Variants in KDM1A observed in about 807,000 individuals in gnomAD.
The protein encoded by KDM1A is lysine demethylase 1A.
KDM1A carries 49 observed loss-of-function variants against 109.4 expected under a neutral mutation model. The observed-to-expected ratio is 0.45, with a 90% confidence interval of 0.36 to 0.57. The LOEUF is 0.57. KDM1A is among the 20% of genes least tolerant of loss of function. The pLI is 0.00. For missense variants in KDM1A, 668 were observed against 1,116.6 expected (o/e 0.60, Z 5.73); for synonymous variants, 380 against 415.4 (o/e 0.91, Z 1.04).
chr1:23,082,891 T>A, intron 20 of KDM1A: 1 of 267,486 alleles, frequency 3.7e-6, no homozygotes, highest in Admixed American at 4.6e-5. Flanking sequence ...CAGAAGGTAG[T>A]TATACATGAG....
intron 2 of KDM1A, among the ~76,000 whole-genome samples, chr1:23,032,972 T>A (rs1015819791): frequency 6.6e-6 from 1 of 152,200 alleles, no homozygotes; most frequent in African/African-American, 2.4e-5. Context: ...TGATCTCGGC[T>A]CACTGCAACC....
intron 9 of KDM1A, among the ~76,000 whole-genome samples, chr1:23,062,682 A>G (rs1209593506): frequency 4.6e-5 from 7 of 152,152 alleles, no homozygotes; most frequent in African/African-American, 1.4e-4. Flanking sequence ...TCTCTCTCCT[A>G]CATTTGTAGC....
At position 23,038,420 on chromosome 1, in the gene KDM1A, G is replaced by A. The variant is rs554571297; in HGVS notation, c.518-6007G>A. Among the ~76,000 whole-genome samples, 408 of 152,034 alleles carry A rather than the reference G, an allele frequency of 2.7e-3. 4 individuals are homozygous for A. The highest frequency in any genetic ancestry group is 9.1e-3 in the African/African-American group (378 of 41,472). On this transcript the variant is annotated intron_variant, in intron 2 of 20. Transcript: ENST00000400181. ...AATTGAAATTCTTGCATCGGCTGTT[G>A]AGTTATAAGAAATGTTTTGTAAGCT...
At chr1:23,077,394 C>G in intron 16 of KDM1A, 34 bp downstream of exon 16, 2 of 1,596,074 alleles carry the variant, frequency 1.3e-6, no homozygotes, top group Non-Finnish European at 1.7e-6. Flanking sequence ...TAAGAGAGAA[C>G]TCTCCTGAAA....
rs774550728 is a variant in KDM1A, at chr1:23,055,076, T to G, written c.798T>G (p.Thr266=). The G allele has an allele frequency of 5.0e-6, 8 of 1,604,498 alleles. No homozygotes were observed. In the East Asian group the frequency reaches 1.8e-4, roughly 36 times the overall value. The change falls in exon 6 of 21, where the codon ACT becomes ACG. Residue 266 remains threonine (T), a synonymous_variant. Transcript: ENST00000400181. ...QQLEAPYNSD[T]VLVHRVHSYL... The stretch of plus-strand genomic sequence containing the variant: ...AATCCACTTATTCTGTAGGTGATAC[T>G]GTGCTTGTCCACCGAGTTCACAGTT...
chr1:23,051,670 G>A (rs906257358), intron 4 of KDM1A, among the ~76,000 whole-genome samples: 1 of 152,158 alleles, frequency 6.6e-6, no homozygotes, highest in South Asian at 2.1e-4. Context: ...ATGAGGGAAA[G>A]GTGCTATTCA....
chr1:23,043,464 T>C (rs1049800286), intron 2 of KDM1A, among the ~76,000 whole-genome samples: 2 of 152,234 alleles, frequency 1.3e-5, no homozygotes, highest in Non-Finnish European at 2.9e-5. Context: ...CAATCTGCTT[T>C]CTTATTGGGG....
At chr1:23,056,180 T>C (rs1569745445) in intron 7 of KDM1A, 142 bp downstream of exon 7, 3 of 523,266 alleles carry the variant, frequency 5.7e-6, no homozygotes, top group Non-Finnish European at 6.6e-6. Flanking sequence ...GATAGTGTTA[T>C]TTATATTTTT....
intron 6 of KDM1A, 73 bp downstream of exon 6, chr1:23,055,234 T>A (rs1439530659): frequency 1.3e-6 from 1 of 766,568 alleles, no homozygotes; most frequent in African/African-American, 1.8e-5. Context: ...TTTATATCTA[T>A]GATGACGTTA....
intron 12 of KDM1A, 111 bp downstream of exon 12, chr1:23,069,262 C>G: frequency 1.6e-6 from 1 of 629,256 alleles, no homozygotes; most frequent in Non-Finnish European, 2.8e-6. Context: ...AGAAAGTCTG[C>G]ACAGCTGGGA....
intron 16 of KDM1A, 96 bp from the exon 17 acceptor site, chr1:23,078,894 G>A: frequency 9.2e-7 from 1 of 1,083,074 alleles, no homozygotes; most frequent in Non-Finnish European, 1.3e-6. Context: ...AATGAGAATT[G>A]AGAAATGGAT....
intron 1 of KDM1A, among the ~76,000 whole-genome samples, chr1:23,027,392 G>A (rs1641837283): frequency 6.8e-6 from 1 of 148,080 alleles, no homozygotes; most frequent in South Asian, 2.1e-4. Flanking sequence ...TGTGCAAAAG[G>A]TAGAAGGTTG....
rs1264918969 is a variant in KDM1A, at chr1:23,069,299, C to G, written c.1413+148C>G. ...TCATTCTTAAGAAAATAATGACTAA[C>G]GAAAGAGACTGTTTTATCTGTCAGT... On this transcript the variant is annotated intron_variant, in intron 12 of 20. Transcript: ENST00000400181. 3 of 546,518 alleles carry G rather than the reference C, an allele frequency of 5.5e-6. No homozygotes were observed. In the African/African-American group the frequency reaches 5.8e-5, roughly 11 times the overall value. 33.9% of individuals were successfully genotyped at this position (546,518 alleles called of 1,614,324 possible). A position where few individuals can be genotyped will look rare whatever the true frequency, so the allele number is the denominator to read the frequency against.
intron 9 of KDM1A, among the ~76,000 whole-genome samples, chr1:23,064,361 A>G (rs1163875981): frequency 6.6e-6 from 1 of 152,198 alleles, no homozygotes; most frequent in African/African-American, 2.4e-5. Flanking sequence ...CTGCTTTACC[A>G]TAATTCTAGA....
At chr1:23,023,051 G>T (rs1348263808) in intron 1 of KDM1A, among the ~76,000 whole-genome samples, 4 of 152,140 alleles carry the variant, frequency 2.6e-5, no homozygotes, top group African/African-American at 9.7e-5. Context: ...TTGATATGCA[G>T]TTCCCTAATG....
At chr1:23,027,736 T>G (rs1286002930) in intron 1 of KDM1A, among the ~76,000 whole-genome samples, 1 of 151,502 alleles carries the variant, frequency 6.6e-6, no homozygotes, top group East Asian at 1.9e-4. Flanking sequence ...TTTTTTTTTT[T>G]TAAGCTTGCT....
intron 3 of KDM1A, 122 bp from the exon 4 acceptor site, chr1:23,050,265 A>G (rs1642627422): frequency 4.4e-5 from 45 of 1,012,426 alleles, no homozygotes; most frequent in Non-Finnish European, 6.0e-5. Flanking sequence ...TCAGCTTTTG[A>G]GACAATTGAA....
rs1476914872 is a variant in KDM1A at position 23,019,640 on chromosome 1, C to T, written c.44C>T (p.Ala15Val). 1 of 1,413,678 alleles carries T rather than the reference C, an allele frequency of 7.1e-7. No homozygotes were observed. The highest frequency in any genetic ancestry group is 3.1e-5 in the Admixed American group (1 of 31,774). 87.6% of individuals were successfully genotyped at this position (1,413,678 alleles called of 1,614,324 possible). ...KKAAAAAAAA[A>V]AAATGTEAGP... ...GCGGCAGCCGCGGCGGCGGCGGCTG[C>T]AGCGGCAGCAACCGGGACGGAGGCT... Residue 15 changes from alanine to valine, a missense_variant, in exon 1 of 21, where the codon GCA becomes GTA. This residue lies in a region of KDM1A where 156 missense variants were observed against 163.4 expected (regional missense o/e 0.95). Transcript: ENST00000400181.
intron 9 of KDM1A, among the ~76,000 whole-genome samples, chr1:23,061,951 G>T (rs1484009951): frequency 1.3e-5 from 2 of 152,154 alleles, no homozygotes; most frequent in Non-Finnish European, 2.9e-5. Context: ...GAGCCACTGT[G>T]CCTGGCCTAA....
Sources: gnomAD v4.1 joint callset for allele counts (sites outside exome capture counted in the v4.1 genomes callset) on GRCh38, gnomAD v4.1.1 for gene constraint, gnomAD v4.1.1 regional missense constraint, MANE v1.5 for transcripts, NCBI Gene and HGNC (gene_info 2026-07-23, HGNC 2026-07-21) for gene names.